CTNNA2: variants seen among roughly 807,000 people sequenced by gnomAD.
CTNNA2 encodes catenin alpha 2.
In CTNNA2, 42 loss-of-function variants were observed where a neutral mutation model predicts 101.0. The ratio of observed to expected loss-of-function variants is 0.42; its 90% CI spans 0.32 to 0.54. CTNNA2 has a LOEUF of 0.54. Among genes scored for constraint, CTNNA2 ranks in the 20% least tolerant of loss-of-function variants. The pLI, the probability that CTNNA2 is intolerant of heterozygous loss-of-function variation, is 0.14. For missense variants in CTNNA2, 871 were observed against 1,223.1 expected, an observed-to-expected ratio of 0.71 and a Z score of 4.29; for synonymous variants, 450 against 456.4, an observed-to-expected ratio of 0.99 and a Z score of 0.18.
intron 2 of CTNNA2, among the ~76,000 whole-genome samples, chr2:79,698,964 T>A (rs569946465): frequency 6.6e-6 from 1 of 152,190 alleles, no homozygotes; most frequent in East Asian, 1.9e-4. Flanking sequence ...AAGCACCTAA[T>A]TCTATTTGAT....
At chr2:79,761,340 T>C (rs1672776786) in intron 3 of CTNNA2, among the ~76,000 whole-genome samples, 1 of 152,150 alleles carries the variant, frequency 6.6e-6, no homozygotes, top group Non-Finnish European at 1.5e-5. Context: ...AAGGGTAGTT[T>C]AAGTTTTGTG....
chr2:80,262,247 CATTTT>C (rs1672666164), intron 7 of CTNNA2, among the ~76,000 whole-genome samples: 1 of 152,012 alleles, frequency 6.6e-6, no homozygotes, highest in Non-Finnish European at 1.5e-5. Context: ...TATTTTCACT[CATTTT>C]ATAATAACTA....
chr2:79,409,367 C>T (rs1012652874), intron 4 of CTNNA2, among the ~76,000 whole-genome samples: 5 of 152,092 alleles, frequency 3.3e-5, no homozygotes, highest in African/African-American at 1.2e-4. Context: ...GACATGAAGT[C>T]CTTGCCCATG....
At chr2:79,651,722 T>G (rs1227240338) in intron 2 of CTNNA2, 64 bp downstream of exon 2, 1 of 1,359,642 alleles carries the variant, frequency 7.4e-7, no homozygotes, top group Admixed American at 1.7e-5. Context: ...ATCCTGACTC[T>G]TGGAAAAACT....
chr2:80,398,321 T>G (rs1678227440), intron 8 of CTNNA2, among the ~76,000 whole-genome samples: 1 of 152,346 alleles, frequency 6.6e-6, no homozygotes, highest in South Asian at 2.1e-4. Flanking sequence ...TCTGTTTTTC[T>G]TCATAAGGAT....
At chr2:80,158,841 G>C (rs768526904) in intron 7 of CTNNA2, among the ~76,000 whole-genome samples, 1 of 151,970 alleles carries the variant, frequency 6.6e-6, no homozygotes. Context: ...AACCTGGAAG[G>C]CAGAGCTTGC....
At chr2:79,746,872 T>A (rs1044625368) in intron 3 of CTNNA2, among the ~76,000 whole-genome samples, 2 of 152,218 alleles carry the variant, frequency 1.3e-5, no homozygotes, top group Admixed American at 6.5e-5. Context: ...TATAAATTAA[T>A]AAAGGCAGAG....
At chr2:79,481,439 A>C (rs1273116872) in intron 4 of CTNNA2, among the ~76,000 whole-genome samples, 1 of 152,166 alleles carries the variant, frequency 6.6e-6, no homozygotes, top group African/African-American at 2.4e-5. Context: ...GAGACAGAGA[A>C]GAGAGTATGG....
chr2:79,249,392 G>T (rs1196170047), intron 2 of CTNNA2, among the ~76,000 whole-genome samples: 10 of 146,714 alleles, frequency 6.8e-5, no homozygotes. Context: ...GTTCTCATTG[G>T]AGCCAGGAGT....
At chr2:79,435,486 G>T (rs1678703216) in intron 4 of CTNNA2, among the ~76,000 whole-genome samples, 1 of 152,144 alleles carries the variant, frequency 6.6e-6, no homozygotes, top group African/African-American at 2.4e-5. Flanking sequence ...GGCCCCAAAT[G>T]CTACCTTGCT....
chr2:79,624,039 C>G (rs1679158956), intron 1 of CTNNA2, among the ~76,000 whole-genome samples: 1 of 151,964 alleles, frequency 6.6e-6, no homozygotes, highest in African/African-American at 2.4e-5. Context: ...TCTCTTTCCC[C>G]TTGCCCACTT....
At chr2:80,285,528 G>A (rs1674688518) in intron 7 of CTNNA2, among the ~76,000 whole-genome samples, 1 of 152,184 alleles carries the variant, frequency 6.6e-6, no homozygotes, top group African/African-American at 2.4e-5. Context: ...GATCCATGGA[G>A]AGGTGAATGG....
At chr2:79,951,868 C>T (rs1688908072) in intron 7 of CTNNA2, among the ~76,000 whole-genome samples, 1 of 152,156 alleles carries the variant, frequency 6.6e-6, no homozygotes, top group African/African-American at 2.4e-5. Flanking sequence ...CTAAACTCGG[C>T]TTCCTACAGT....
chr2:79,578,518 A>G (rs920275597), intron 1 of CTNNA2, among the ~76,000 whole-genome samples: 10 of 152,288 alleles, frequency 6.6e-5, no homozygotes, highest in African/African-American at 2.4e-4. Context: ...ATTTTTCATT[A>G]CATGTAAGTC....
chr2:80,590,794 T>G (rs216633), intron 15 of CTNNA2, among the ~76,000 whole-genome samples: 7 of 151,930 alleles, frequency 4.6e-5, no homozygotes, highest in African/African-American at 1.5e-4. Context: ...TAGAAGTTCA[T>G]ATTTGTACAT....
At chr2:80,272,871 A>G (rs1004354720) in intron 7 of CTNNA2, among the ~76,000 whole-genome samples, 6 of 152,206 alleles carry the variant, frequency 3.9e-5, no homozygotes, top group South Asian at 4.1e-4. Flanking sequence ...TTGCTTGAAA[A>G]AGTAGGGTCA....
chr2:79,915,063 A>T (rs186860555), intron 7 of CTNNA2, among the ~76,000 whole-genome samples: 3 of 152,254 alleles, frequency 2.0e-5, no homozygotes, highest in Admixed American at 1.3e-4. Context: ...GCAAGCCTCC[A>T]GCATGCTGTT....
At chr2:79,855,599 A>C (rs1002427089) in intron 3 of CTNNA2, among the ~76,000 whole-genome samples, 1 of 152,128 alleles carries the variant, frequency 6.6e-6, no homozygotes, top group South Asian at 2.1e-4. Context: ...ACCTGCAGGG[A>C]AGGGGTGTGA....
chr2:80,444,174 T>C (rs1299519938), intron 9 of CTNNA2, among the ~76,000 whole-genome samples: 2 of 152,208 alleles, frequency 1.3e-5, no homozygotes, highest in East Asian at 3.9e-4. Flanking sequence ...ATTTTTGGAT[T>C]CCACGTCATC....
Sources: allele counts gnomAD v4.1 joint callset (sites outside exome capture counted in the v4.1 genomes callset), GRCh38; gene constraint gnomAD v4.1.1; transcripts MANE v1.5; gene names NCBI Gene and HGNC (gene_info 2026-07-23, HGNC 2026-07-21).